Variants in EML5 observed in about 807,000 individuals in gnomAD.
EML5 encodes the protein echinoderm microtubule-associated protein-like 5.
Under a neutral mutation model 250.0 loss-of-function variants are expected in EML5, and 120 were observed. The ratio of observed to expected loss-of-function variants is 0.48; its 90% CI spans 0.41 to 0.56. EML5 has a LOEUF of 0.56. EML5 is among the 20% of genes least tolerant of loss of function. The pLI is 0.00. For synonymous variants in EML5, 771 were observed against 806.5 expected (o/e 0.96, Z 0.75); for missense variants, 2,006 against 2,437.6 (o/e 0.82, Z 3.73).
At chr14:88,676,361 G>A (rs2092592781) in intron 21 of EML5, among the ~76,000 whole-genome samples, 1 of 152,200 alleles carries the variant, frequency 6.6e-6, no homozygotes, top group South Asian at 2.1e-4. Context: ...TCACAGGGTG[G>A]CAGGATAGAG....
chr14:88,638,670 A>T lies in EML5; in HGVS notation c.4336+139T>A. ...TACCTGAAAGCAAATAATATGGTAT[A>T]ATTGGGTAGGGCTTTATGTATACAT... is the stretch of plus-strand genomic sequence containing the variant. On this transcript the variant is annotated intron_variant, in intron 32 of 43. Coordinates refer to ENST00000554922, the MANE Select transcript of EML5 (RefSeq NM_183387.3). The T allele has an allele frequency of 1.4e-5, 10 of 710,324 alleles. No homozygotes were observed. In the South Asian group the frequency reaches 1.7e-4, roughly 12 times the overall value. 44.0% of individuals were successfully genotyped at this position (710,324 alleles called of 1,614,324 possible).
intron 4 of EML5, 41 bp from the exon 5 acceptor site, chr14:88,740,613 T>C: frequency 6.8e-7 from 1 of 1,475,072 alleles, no homozygotes; most frequent in Non-Finnish European, 9.1e-7. Context: ...AAAGAATTCT[T>C]ATAAAATAAA....
At chr14:88,626,741 C>A in intron 35 of EML5, 97 bp downstream of exon 35, 1 of 1,213,236 alleles carries the variant, frequency 8.2e-7, no homozygotes, top group Non-Finnish European at 1.2e-6. Context: ...ATTAGCAGAT[C>A]ACAGTATCAT....
intron 27 of EML5, among the ~76,000 whole-genome samples, chr14:88,656,907 A>G (rs547532841): frequency 6.6e-6 from 1 of 152,372 alleles, no homozygotes; most frequent in East Asian, 1.9e-4. Flanking sequence ...AGCAAATAAG[A>G]TGAATCATAT....
intron 1 of EML5, among the ~76,000 whole-genome samples, chr14:88,777,224 A>G (rs777598923): frequency 2.1e-5 from 3 of 142,690 alleles, no homozygotes; most frequent in Non-Finnish European, 4.5e-5. Flanking sequence ...ACGGAGCTCC[A>G]ATACATCTGG....
At position 88,688,379 on chromosome 14, in the gene EML5, A is replaced by C; in HGVS notation, c.2634T>G (p.Ala878=). 2 of 1,613,992 alleles carry C rather than the reference A, an allele frequency of 1.2e-6. No homozygotes were observed. Among genetic ancestry groups the C allele is most frequent in the Non-Finnish European group, 1.7e-6 (2 of 1,179,894 alleles). ...CATCTCCTGTGGATGTTCCAGAAAA[A>C]GCCATCTCTTCAGTCCATCCATACA... ...CAVYGWTEEM[A]FSGTSTGDVC... Residue 878 remains alanine (A), a synonymous_variant, in exon 18 of 44, where the codon GCT becomes GCG. Coordinates refer to ENST00000554922, the MANE Select transcript of EML5 (RefSeq NM_183387.3).
chr14:88,730,006 CA>C (rs990414842), intron 7 of EML5, among the ~76,000 whole-genome samples: 1 of 151,930 alleles, frequency 6.6e-6, no homozygotes, highest in African/African-American at 2.4e-5. Context: ...TAGTACATTA[CA>C]ATTTTCAGTG....
chr14:88,622,597 A>G lies in EML5; in HGVS notation c.5013+7T>C. 1 of 1,591,298 alleles carries G rather than the reference A, an allele frequency of 6.3e-7. No homozygotes were observed. The highest frequency in any genetic ancestry group is 8.6e-7 in the Non-Finnish European group (1 of 1,168,366). ...GCTGCACTGTATCAGCTCATGGAAC[A>G]TCTTACTTTGCCTCTGCACACAGAA... On this transcript the variant is annotated splice_region_variant and intron_variant, in intron 37 of 43. Coordinates refer to ENST00000554922, the MANE Select transcript of EML5 (RefSeq NM_183387.3).
At chr14:88,772,291 A>G (rs1361684441) in intron 1 of EML5, among the ~76,000 whole-genome samples, 6 of 152,286 alleles carry the variant, frequency 3.9e-5, no homozygotes, top group Non-Finnish European at 7.4e-5. Context: ...CCTTCTGTCT[A>G]CCTACCATTA....
At chr14:88,738,784 T>C (rs902057091) in intron 6 of EML5, 95 bp downstream of exon 6, 2 of 1,376,940 alleles carry the variant, frequency 1.5e-6, no homozygotes, top group African/African-American at 3.0e-5. Flanking sequence ...CTTATTTATA[T>C]TTACAAAACT....
intron 2 of EML5, among the ~76,000 whole-genome samples, chr14:88,753,910 T>G (rs1401507221): frequency 1.3e-5 from 2 of 151,836 alleles, no homozygotes; most frequent in Non-Finnish European, 2.9e-5. Context: ...TCAACAACAC[T>G]GGAGGATAGC....
At chr14:88,676,473 T>C (rs575698328) in intron 21 of EML5, among the ~76,000 whole-genome samples, 3 of 152,252 alleles carry the variant, frequency 2.0e-5, no homozygotes, top group South Asian at 4.2e-4. Context: ...CATGATTCAA[T>C]TACCTCCCAC....
intron 16 of EML5, among the ~76,000 whole-genome samples, chr14:88,695,011 A>G (rs2093044625): frequency 6.6e-6 from 1 of 152,188 alleles, no homozygotes; most frequent in Non-Finnish European, 1.5e-5. Flanking sequence ...ATATGCATAT[A>G]TATCTTTTTT....
At chr14:88,749,759 T>A (rs1387871601) in intron 2 of EML5, among the ~76,000 whole-genome samples, 1 of 152,194 alleles carries the variant, frequency 6.6e-6, no homozygotes, top group Non-Finnish European at 1.5e-5. Flanking sequence ...ATACAGAGTA[T>A]GTTCTCTGAC....
intron 14 of EML5, among the ~76,000 whole-genome samples, chr14:88,699,241 A>G (rs1403496724): frequency 2.0e-5 from 3 of 152,050 alleles, no homozygotes; most frequent in South Asian, 2.1e-4. Flanking sequence ...ACTAAGTAAA[A>G]GATGTGAAAT....
chr14:88,708,054 T>A (rs921692166), intron 10 of EML5, among the ~76,000 whole-genome samples: 1 of 152,104 alleles, frequency 6.6e-6, no homozygotes, highest in East Asian at 1.9e-4. Flanking sequence ...GTACAAATAA[T>A]CCTGTAAGTC....
chr14:88,772,378 C>T (rs1454519679), intron 1 of EML5, among the ~76,000 whole-genome samples: 1 of 152,232 alleles, frequency 6.6e-6, no homozygotes, highest in Non-Finnish European at 1.5e-5. Flanking sequence ...CTGATCTCAT[C>T]ATTTACCTCG....
intron 5 of EML5, 133 bp from the exon 6 acceptor site, chr14:88,739,147 C>G (rs1296989146): frequency 1.2e-6 from 1 of 855,972 alleles, no homozygotes; most frequent in Non-Finnish European, 1.7e-6. Context: ...CATCAGAAAA[C>G]ACAAAAGAAA....
At chr14:88,737,635 G>A (rs1203932952) in intron 6 of EML5, among the ~76,000 whole-genome samples, 1 of 152,214 alleles carries the variant, frequency 6.6e-6, no homozygotes, top group African/African-American at 2.4e-5. Flanking sequence ...TCTTAGATGT[G>A]AGACAGAAGA....
Sources: allele counts gnomAD v4.1 joint callset (sites outside exome capture counted in the v4.1 genomes callset), GRCh38; gene constraint gnomAD v4.1.1; transcripts MANE v1.5; gene names NCBI Gene and HGNC (gene_info 2026-07-23, HGNC 2026-07-21).